Variants in FN1 observed in about 807,000 individuals in gnomAD.
FN1 encodes fibronectin.
Under a neutral mutation model 297.3 loss-of-function variants are expected in FN1, and 106 were observed. The ratio of observed to expected loss-of-function variants is 0.36; its 90% CI spans 0.30 to 0.42. FN1 has a LOEUF of 0.42. FN1 is among the 10% of genes least tolerant of loss of function. FN1 has a pLI of 1.00. For missense variants in FN1, 2,690 were observed against 3,124.9 expected, an observed-to-expected ratio of 0.86 and a Z score of 3.32; for synonymous variants, 1,149 against 1,152.6, an observed-to-expected ratio of 1.00 and a Z score of 0.06.
Position 215,398,698 on chromosome 2 carries a change from C to G in FN1, c.3348+559G>C, listed in dbSNP as rs537791112. ...TGCCAAAGAATGGAATTCTTTTAAA[C>G]ATATTCATTTGTATTCACCGCTTCC... On this transcript the variant is annotated intron_variant, in intron 21 of 45. Transcript: ENST00000354785. Among the ~76,000 whole-genome samples the G allele has an allele frequency of 5.9e-5, 9 of 152,280 alleles. No individual in the cohort carries two copies. In the South Asian group the frequency reaches 1.7e-3, roughly 28 times the overall value.
At position 215,419,248 on chromosome 2, in the gene FN1, A is replaced by T; in HGVS notation, c.1813T>A (p.Tyr605Asn). Residue 605 changes from tyrosine (Y) to asparagine (N), a missense_variant, in exon 12 of 46, where the codon TAT (tyrosine) becomes AAT (asparagine). Coordinates refer to ENST00000354785, the MANE Select transcript of FN1 (RefSeq NM_212482.4). The part of the protein sequence containing the change: ...GEWHCQPLQT[Y>N]PSSSGPVEVF... ...CAGTAATAGAGCTACTTACTTGGAT[A>T]GGTCTGTAAAGGTTGGCAATGCCAC... 6.2e-7 allele frequency: 1 copy of T among 1,613,998 alleles called. No homozygotes were observed.
At chr2:215,416,717 A>G (rs2063481560) in intron 12 of FN1, among the ~76,000 whole-genome samples, 1 of 152,220 alleles carries the variant, frequency 6.6e-6, no homozygotes, top group African/African-American at 2.4e-5. Context: ...TTTTGAAAAG[A>G]TAACATAAAT....
In FN1 at chr2:215,371,895, G is replaced by A. The variant is rs1439199490; in HGVS notation, c.6714+14C>T. 1.3e-6 allele frequency: 2 copies of A among 1,598,648 alleles called. No homozygotes were observed. The highest frequency in any genetic ancestry group is 2.2e-5 in the East Asian group (1 of 44,806). Reference sequence around the variant, plus strand: ...TGTGCTGCCCCATGAGAAGTGAAGAGAACAATTAATTACCTGTAAGGGTTC... The same window carrying A: ...TGTGCTGCCCCATGAGAAGTGAAGAAAACAATTAATTACCTGTAAGGGTTC... On this transcript the variant is annotated intron_variant, in intron 40 of 45. Coordinates refer to ENST00000354785, the MANE Select transcript of FN1 (RefSeq NM_212482.4).
chr2:215,377,534 C>T (rs2057521264), intron 35 of FN1, among the ~76,000 whole-genome samples: 1 of 152,226 alleles, frequency 6.6e-6, no homozygotes, highest in Non-Finnish European at 1.5e-5. Flanking sequence ...TCCCCCTTGG[C>T]CTTCCACCAT....
rs186221890 is a variant in FN1, at chr2:215,373,523, G to A, written c.6158-112C>T. 11 of 851,352 alleles carry A rather than the reference G, an allele frequency of 1.3e-5. No homozygotes were observed. The East Asian group carries it at 2.8e-4, about 21-fold the overall frequency. The allele number at this position is 851,352 out of a possible 1,614,324, so 52.7% of individuals were successfully genotyped here. The stretch of plus-strand genomic sequence containing the variant: ...GCAGGCACTTCCTCTCCAGCTGGCT[G>A]TTGGCCTCTTGAAGGTAAAATCGAC... On this transcript the variant is annotated intron_variant, in intron 38 of 45. Transcript: ENST00000354785.
At chr2:215,391,583 G>T in intron 26 of FN1, 49 bp downstream of exon 26, 1 of 1,506,022 alleles carries the variant, frequency 6.6e-7, no homozygotes, top group Non-Finnish European at 9.2e-7. Context: ...GAATTCATTT[G>T]CTATGCTCTA....
intron 44 of FN1, chr2:215,362,646 G>A (rs1159964614): frequency 6.4e-6 from 1 of 156,548 alleles, no homozygotes; most frequent in Non-Finnish European, 1.4e-5. Flanking sequence ...ACTTCCCTAG[G>A]CAGTGACATG....
rs2106299640 is a variant in FN1 at position 215,409,753 on chromosome 2, G to T, written c.2123-14C>A. On this transcript the variant is annotated splice_polypyrimidine_tract_variant and intron_variant, in intron 14 of 45. Coordinates refer to ENST00000354785, the MANE Select transcript of FN1 (RefSeq NM_212482.4). ...TCACGGTGTTGCCTAGAGAGTCACAGAAAGGGGAAAGTCAGCCTTCAGTCA... is the reference window on the plus strand; with the variant it reads ...TCACGGTGTTGCCTAGAGAGTCACATAAAGGGGAAAGTCAGCCTTCAGTCA... 1 of 1,614,002 alleles carries T rather than the reference G, an allele frequency of 6.2e-7. No individual in the cohort carries two copies. Among genetic ancestry groups the T allele is most frequent in the South Asian group, 1.1e-5 (1 of 91,072 alleles).
chr2:215,428,053 T>A, intron 6 of FN1, 127 bp downstream of exon 6: 1 of 1,152,648 alleles, frequency 8.7e-7, no homozygotes, highest in South Asian at 1.3e-5. Flanking sequence ...ATGTGTAAAT[T>A]ATCTTAGGTT....
At chr2:215,370,264 C>G (rs199573501) in intron 41 of FN1, 30 bp downstream of exon 41, 8 of 1,612,144 alleles carry the variant, frequency 5.0e-6, no homozygotes, top group Admixed American at 1.7e-5. Flanking sequence ...CAGAGGGGAG[C>G]CTGTGTCTAA....
At position 215,370,540 on chromosome 2, in the gene FN1, C is replaced by CAAAAA. The variant is rs377315833; in HGVS notation, c.6715-113_6715-109dup. On this transcript the variant is annotated intron_variant, in intron 40 of 45. Coordinates refer to ENST00000354785, the MANE Select transcript of FN1 (RefSeq NM_212482.4). ...ACTGTTTAAACAAAGCAAAGGAAGA[C>CAAAAA]AAAAAACAAAAAACAAAAAAAAAAA... The CAAAAA allele has an allele frequency of 4.8e-4, 145 of 304,924 alleles. 6 individuals are homozygous for CAAAAA. Among genetic ancestry groups the CAAAAA allele is most frequent in the African/African-American group, 2.1e-3 (56 of 27,308 alleles). 18.9% of individuals were successfully genotyped at this position (304,924 alleles called of 1,614,324 possible). A position where few individuals can be genotyped will look rare whatever the true frequency, so the allele number is the denominator to read the frequency against.
chr2:215,409,799 C>T (rs979633928), intron 14 of FN1, 60 bp from the exon 15 acceptor site: 10 of 1,599,636 alleles, frequency 6.3e-6, no homozygotes, highest in Middle Eastern at 1.7e-4. Flanking sequence ...TTACCGTCCT[C>T]GTCGCCAACA....
chr2:215,410,140 C>CAT (rs10649966), intron 13 of FN1, 26 bp from the exon 14 acceptor site: 4 of 1,557,328 alleles, frequency 2.6e-6, no homozygotes, highest in Non-Finnish European at 2.6e-6. Context: ...AACACACACA[C>CAT]ACACACACAC....
chr2:215,422,207 A>G lies in FN1; in HGVS notation c.1430T>C (p.Met477Thr). ...EEICTTNEGVMYRIGDQWDKQ... is the reference protein window; with the variant it reads ...EEICTTNEGVTYRIGDQWDKQ... The stretch of plus-strand genomic sequence containing the variant: ...ATCCCACTGATCTCCAATGCGGTAC[A>G]TGACCCCTTCATTGGTTGTGCAGAT... Residue 477 changes from methionine to threonine, a missense_variant, in exon 10 of 46, where the codon ATG becomes ACG. Transcript: ENST00000354785. The G allele has an allele frequency of 6.2e-7, 1 of 1,614,138 alleles. No individual in the cohort carries two copies. Among genetic ancestry groups the G allele is most frequent in the Non-Finnish European group, 8.5e-7 (1 of 1,179,946 alleles).
chr2:215,390,008 C>T (rs1337852828), intron 26 of FN1, among the ~76,000 whole-genome samples: 1 of 152,146 alleles, frequency 6.6e-6, no homozygotes, highest in Non-Finnish European at 1.5e-5. Context: ...CTCCTACTCA[C>T]TAAACCCTCA....
At chr2:215,381,224 A>C in intron 32 of FN1, 144 bp from the exon 33 acceptor site, 1 of 770,498 alleles carries the variant, frequency 1.3e-6, no homozygotes, top group East Asian at 2.6e-5. Flanking sequence ...AATCACTTAA[A>C]CACTTGCTTA....
chr2:215,379,226 T>G lies in FN1; in HGVS notation c.5526A>C (p.Gly1842=), dbSNP rs774287980. ...QWTPPNVQLT[G]YRVRVTPKEK... ...CCTTGGGGGTCACCCGCACTCGATA[T>G]CCAGTGAGCTGAACATTGGGTGGTG... Residue 1842 remains glycine, a synonymous_variant, in exon 34 of 46, where the codon GGA becomes GGC. Coordinates refer to ENST00000354785, the MANE Select transcript of FN1 (RefSeq NM_212482.4). 6.2e-7 allele frequency: 1 copy of G among 1,613,952 alleles called. No individual in the cohort carries two copies. Among genetic ancestry groups the G allele is most frequent in the East Asian group, 2.2e-5 (1 of 44,880 alleles).
intron 1 of FN1, 40 bp downstream of exon 1, chr2:215,435,615 T>C (rs746380387): frequency 6.8e-6 from 11 of 1,612,288 alleles, no homozygotes; most frequent in Non-Finnish European, 7.6e-6. Context: ...TAGGGTCCCA[T>C]CCCTGAGGCA....
chr2:215,414,953 T>G lies in FN1; in HGVS notation c.1825A>C (p.Ser609Arg). 6.2e-7 allele frequency: 1 copy of G among 1,613,356 alleles called. No individual in the cohort carries two copies. The stretch of plus-strand genomic sequence containing the variant: ...GTGATAAATACTTCGACAGGACCAC[T>G]TGAGCCTGAAAATGAAAATGTAGCA... ...CQPLQTYPSSSGPVEVFITET... is the reference protein window; with the variant it reads ...CQPLQTYPSSRGPVEVFITET... The change falls in exon 13 of 46, where the codon AGT (serine) becomes CGT (arginine). Residue 609 changes from serine (S) to arginine (R), a missense_variant. Ser to Arg is a moderately radical substitution (Grantham distance 110). Transcript: ENST00000354785.
Sources: gnomAD v4.1 joint callset for allele counts (sites outside exome capture counted in the v4.1 genomes callset) on GRCh38, gnomAD v4.1.1 for gene constraint, MANE v1.5 for transcripts, NCBI Gene and HGNC (gene_info 2026-07-23, HGNC 2026-07-21) for gene names.